NUP155: variants seen among roughly 807,000 people sequenced by gnomAD.
NUP155 encodes nuclear pore complex protein Nup155.
Under a neutral mutation model 180.4 loss-of-function variants are expected in NUP155, and 71 were observed. The observed-to-expected ratio is 0.39, with a 90% CI of 0.33 to 0.48. NUP155 has a LOEUF of 0.48. Among genes scored for constraint, NUP155 ranks in the 20% least tolerant of loss-of-function variants. NUP155 has a pLI of 0.91. For synonymous variants in NUP155, 582 were observed against 559.5 expected, an observed-to-expected ratio of 1.04 and a Z score of -0.57; for missense variants, 1,553 against 1,648.9, an observed-to-expected ratio of 0.94 and a Z score of 1.01.
chr5:37,307,269 G>A, intron 25 of NUP155, 28 bp downstream of exon 25: 1 of 1,603,728 alleles, frequency 6.2e-7, no homozygotes, highest in Non-Finnish European at 8.5e-7. Flanking sequence ...CCATAAAGAT[G>A]ACAATCTGCT....
At chr5:37,307,835 T>C (rs1743255950) in intron 24 of NUP155, among the ~76,000 whole-genome samples, 1 of 150,720 alleles carries the variant, frequency 6.6e-6, no homozygotes, top group South Asian at 2.1e-4. Flanking sequence ...GGCAGGAGAA[T>C]CACTTGAACT....
intron 10 of NUP155, 60 bp from the exon 11 acceptor site, chr5:37,341,302 T>C (rs1745704035): frequency 1.4e-6 from 2 of 1,404,586 alleles, no homozygotes; most frequent in Non-Finnish European, 2.0e-6. Context: ...GGTAAATGTG[T>C]TATTGAAGCA....
In NUP155 at chr5:37,298,557, TC is replaced by T. The variant is rs1450004144; in HGVS notation, c.3793+310del. On this transcript the variant is annotated intron_variant, in intron 32 of 34. Transcript: ENST00000231498. ...CACAGATTACCTATGCACAAAAACA[TC>T]AACCGTTTTTCTTTTCTCTTCAGAA... Among the ~76,000 whole-genome samples the T allele has an allele frequency of 2.0e-5, 3 of 152,146 alleles. No individual in the cohort carries two copies. The East Asian group carries it at 5.8e-4, about 29-fold the overall frequency.
At chr5:37,359,411 G>C (rs1016763593) in intron 3 of NUP155, among the ~76,000 whole-genome samples, 3 of 151,954 alleles carry the variant, frequency 2.0e-5, no homozygotes, top group Non-Finnish European at 4.4e-5. Flanking sequence ...GGTAAGAAGA[G>C]GGCCATCTTA....
Position 37,310,671 on chromosome 5 carries a change from A to G in NUP155, c.2509T>C (p.Leu837=), listed in dbSNP as rs1338590040. 1.9e-6 allele frequency: 3 copies of G among 1,613,938 alleles called. No homozygotes were observed. Among genetic ancestry groups the G allele is most frequent in the East Asian group, 2.2e-5 (1 of 44,828 alleles). ...VIRDKELTGA[L]IASLINCYIR... is the part of the protein sequence containing the mutation. Reference sequence around the variant, plus strand: ...TAGCAGTTGATAAGAGAAGCAATTAATGCCCCTGTGAGTTCTTTGTCCCTG... The same window carrying G: ...TAGCAGTTGATAAGAGAAGCAATTAGTGCCCCTGTGAGTTCTTTGTCCCTG... Residue 837 remains leucine, a synonymous_variant, in exon 23 of 35, where the codon TTA becomes CTA. Coordinates refer to ENST00000231498, the MANE Select transcript of NUP155 (RefSeq NM_153485.3).
In NUP155 at chr5:37,327,645, A is replaced by C. The variant is rs2150963739; in HGVS notation, c.2008T>G (p.Phe670Val). Residue 670 changes from phenylalanine to valine, a missense_variant, in exon 18 of 35, where the codon TTT (phenylalanine) becomes GTT (valine). By Grantham distance (50) the Phe-to-Val change is conservative. Transcript: ENST00000231498. ...CAAACTTACCCCATGATCCGAGAAA[A>C]GTAAATGCAAATACCATTGTGTTTT... The part of the protein sequence containing the change: ...SGKHNGICIY[F>V]SRIMGNIWDA... The C allele has an allele frequency of 6.2e-7, 1 of 1,614,172 alleles. No homozygotes were observed. Among genetic ancestry groups the C allele is most frequent in the Non-Finnish European group, 8.5e-7 (1 of 1,180,004 alleles).
chr5:37,336,100 G>GT (rs554978842), intron 12 of NUP155, among the ~76,000 whole-genome samples: 4 of 152,128 alleles, frequency 2.6e-5, no homozygotes, highest in South Asian at 4.1e-4. Flanking sequence ...TACTTGATGA[G>GT]TTTTTTTGTT....
rs375117365 is a variant in NUP155 at position 37,364,239 on chromosome 5, T to C, written c.295+8A>G. 1.3e-5 allele frequency: 21 copies of C among 1,600,502 alleles called. No homozygotes were observed. The highest frequency in any genetic ancestry group is 1.0e-4 in the Admixed American group (6 of 59,950). Reference sequence around the variant, plus strand: ...CATTTTTAAAATAAATACAAAGTAATAGGATACGTCCAAACTGCTCAACAA... The same window carrying C: ...CATTTTTAAAATAAATACAAAGTAACAGGATACGTCCAAACTGCTCAACAA... On this transcript the variant is annotated splice_region_variant and intron_variant, in intron 2 of 34. Coordinates refer to ENST00000231498, the MANE Select transcript of NUP155 (RefSeq NM_153485.3).
At chr5:37,335,650 A>T (rs1745282523) in intron 12 of NUP155, among the ~76,000 whole-genome samples, 1 of 151,924 alleles carries the variant, frequency 6.6e-6, no homozygotes, top group Non-Finnish European at 1.5e-5. Flanking sequence ...CCATATAATA[A>T]CATTTAAAAA....
In NUP155 at chr5:37,292,857, C is replaced by G. The variant is rs756342737; in HGVS notation, c.4037+22G>C. The G allele has an allele frequency of 4.1e-6, 6 of 1,474,278 alleles. No homozygotes were observed. In the African/African-American group the frequency reaches 5.5e-5, roughly 14 times the overall value. 91.3% of individuals were successfully genotyped at this position (1,474,278 alleles called of 1,614,324 possible). ...GAAGCATTTAAAAGCTTTTGCTGAT[C>G]CAATATTTAATTCATAAGTACCTTT... On this transcript the variant is annotated intron_variant, in intron 34 of 34. Transcript: ENST00000231498.
At chr5:37,364,976 A>G in intron 1 of NUP155, among the ~76,000 whole-genome samples, 1 of 151,884 alleles carries the variant, frequency 6.6e-6, no homozygotes, top group Non-Finnish European at 1.5e-5. Flanking sequence ...ATTTTAAAAT[A>G]AAAGTGGCTG....
rs1742964714 is a variant in NUP155, at chr5:37,303,261, T to A, written c.3316A>T (p.Ser1106Cys). The stretch of plus-strand genomic sequence containing the variant: ...CACAATAAGAATATTATGCCATACC[T>A]ATGCATGTCAGCCAGTCTGGACAGT... ...RVLSRLADMHSTEISLQQRLE... is the reference protein window; with the variant it reads ...RVLSRLADMHCTEISLQQRLE... The change falls in exon 28 of 35, where the codon AGC becomes TGC. Residue 1106 changes from serine (S) to cysteine (C), a missense_variant and splice_region_variant. Coordinates refer to ENST00000231498, the MANE Select transcript of NUP155 (RefSeq NM_153485.3). The A allele has an allele frequency of 6.2e-7, 1 of 1,613,860 alleles. No individual in the cohort carries two copies. The highest frequency in any genetic ancestry group is 8.5e-7 in the Non-Finnish European group (1 of 1,179,880).
At chr5:37,356,064 T>C (rs1463773512) in intron 4 of NUP155, among the ~76,000 whole-genome samples, 2 of 151,184 alleles carry the variant, frequency 1.3e-5, no homozygotes, top group Non-Finnish European at 2.9e-5. Context: ...TTCCCATCTC[T>C]ACTAAAAATA....
chr5:37,311,466 A>G (rs996982101), intron 22 of NUP155, among the ~76,000 whole-genome samples: 2 of 136,948 alleles, frequency 1.5e-5, no homozygotes, highest in African/African-American at 7.2e-5. Context: ...ATAATTAAAT[A>G]TATTAGCTTG....
intron 14 of NUP155, among the ~76,000 whole-genome samples, chr5:37,330,912 G>C (rs1001076381): frequency 6.6e-6 from 1 of 152,102 alleles, no homozygotes; most frequent in Admixed American, 6.5e-5. Context: ...CACTTTGGCA[G>C]GCCGAGGCGG....
chr5:37,370,532 C>A, intron 1 of NUP155: 2 of 715,880 alleles, frequency 2.8e-6, no homozygotes, highest in Non-Finnish European at 4.3e-6. Flanking sequence ...ATGGCCTTAG[C>A]CATAAGCACT....
intron 3 of NUP155, among the ~76,000 whole-genome samples, chr5:37,361,509 T>G (rs571408049): frequency 4.6e-5 from 7 of 152,320 alleles, no homozygotes; most frequent in African/African-American, 1.7e-4. Flanking sequence ...TGGCAACTTA[T>G]GCGGACTAGG....
At chr5:37,331,451 G>A (rs1360430251) in intron 14 of NUP155, among the ~76,000 whole-genome samples, 1 of 152,176 alleles carries the variant, frequency 6.6e-6, no homozygotes, top group Admixed American at 6.5e-5. Context: ...GCACATGCCT[G>A]TAATCCCAGC....
intron 32 of NUP155, among the ~76,000 whole-genome samples, chr5:37,295,855 C>T: frequency 6.6e-6 from 1 of 151,250 alleles, no homozygotes; most frequent in African/African-American, 2.4e-5. Flanking sequence ...GCCCGGCAGC[C>T]ACCCCGTCCG....
Sources: allele counts gnomAD v4.1 joint callset (sites outside exome capture counted in the v4.1 genomes callset), GRCh38; gene constraint gnomAD v4.1.1; transcripts MANE v1.5; gene names NCBI Gene and HGNC (gene_info 2026-07-23, HGNC 2026-07-21).